Variants in HNRNPR observed in about 807,000 individuals in gnomAD.
The protein encoded by HNRNPR is heterogeneous nuclear ribonucleoprotein R.
Under a neutral mutation model 70.3 loss-of-function variants are expected in HNRNPR, and 4 were observed. That is an observed-to-expected ratio of 0.06 (90% confidence interval 0.03 to 0.13). The LOEUF is 0.13. Among genes scored for constraint, HNRNPR ranks in the 10% least tolerant of loss-of-function variants. The pLI is 1.00. For missense variants in HNRNPR, 423 were observed against 788.5 expected (o/e 0.54, Z 5.55); for synonymous variants, 241 against 267.6 (o/e 0.90, Z 0.97).
At chr1:23,326,318 A>C (rs1645973325) in intron 5 of HNRNPR, among the ~76,000 whole-genome samples, 1 of 152,290 alleles carries the variant, frequency 6.6e-6, no homozygotes, top group East Asian at 1.9e-4. Context: ...GGGATACAAG[A>C]TACTGTTATA....
At position 23,333,154 on chromosome 1, in the gene HNRNPR, C is replaced by G. The variant is rs569644948; in HGVS notation, c.498+364G>C. Among the ~76,000 whole-genome samples the G allele has an allele frequency of 1.3e-3, 194 of 152,200 alleles. 1 individual carries two copies. The highest frequency in any genetic ancestry group is 4.3e-3 in the African/African-American group (179 of 41,522). Reference sequence around the variant, plus strand: ...CTGAGACCGTGTCACTGCACTCCAGCCTGGACAACAAGAGCGAAACTCCAT... The same window carrying G: ...CTGAGACCGTGTCACTGCACTCCAGGCTGGACAACAAGAGCGAAACTCCAT... On this transcript the variant is annotated intron_variant, in intron 5 of 10. Coordinates refer to ENST00000302271, the MANE Select transcript of HNRNPR (RefSeq NM_005826.5).
At chr1:23,321,819 A>C (rs1645769465) in intron 6 of HNRNPR, among the ~76,000 whole-genome samples, 156 bp from the exon 7 acceptor site, 1 of 152,170 alleles carries the variant, frequency 6.6e-6, no homozygotes, top group Non-Finnish European at 1.5e-5. Flanking sequence ...GTATATTTTA[A>C]ACTTCATTGT....
At chr1:23,342,488 T>C (rs1646740073) in intron 1 of HNRNPR, among the ~76,000 whole-genome samples, 1 of 152,202 alleles carries the variant, frequency 6.6e-6, no homozygotes, top group African/African-American at 2.4e-5. Context: ...CAAGACAAGC[T>C]TCAAATTCTG....
chr1:23,339,976 TA>T (rs1326038497), intron 2 of HNRNPR, among the ~76,000 whole-genome samples: 7 of 151,864 alleles, frequency 4.6e-5, no homozygotes, highest in Non-Finnish European at 8.8e-5. Flanking sequence ...GTCATTTTTA[TA>T]AGTCATTTTA....
In HNRNPR at chr1:23,308,362, C is replaced by T. The variant is rs1255942645; in HGVS notation, c.*2092G>A. On this transcript the variant is annotated 3_prime_UTR_variant, in exon 11 of 11. Coordinates refer to ENST00000302271, the MANE Select transcript of HNRNPR (RefSeq NM_005826.5). ...TTTATGACAACTTTGTAGCTTGTAA[C>T]ACCTAATTAAGAAATACAAACAACT... The T allele has an allele frequency of 2.0e-5, 3 of 152,030 alleles. No homozygotes were observed. The highest frequency in any genetic ancestry group is 7.2e-5 in the African/African-American group (3 of 41,452). The allele number at this position is 152,030 out of a possible 1,614,324, so 9.4% of individuals were successfully genotyped here.
chr1:23,320,669 C>G (rs1645719667), intron 7 of HNRNPR, among the ~76,000 whole-genome samples: 1 of 152,036 alleles, frequency 6.6e-6, no homozygotes, highest in South Asian at 2.1e-4. Context: ...CGGTCTAACG[C>G]AGTGTTTTTA....
In HNRNPR at chr1:23,325,015, C is replaced by CT. The variant is rs562853181; in HGVS notation, c.499-1284dup. 4.6e-3 allele frequency among the ~76,000 whole-genome samples: 703 copies of CT among 152,096 alleles called. 2 individuals are homozygous for CT. Among genetic ancestry groups the CT allele is most frequent in the Middle Eastern group, 0.014 (4 of 294 alleles). On this transcript the variant is annotated intron_variant, in intron 5 of 10. Transcript: ENST00000302271. ...ATTAGCCGGGCGTGGTGGCCGGCGC[C>CT]TGTAGCCCCAGCTACTCAGGAGGCT... is the stretch of plus-strand genomic sequence containing the variant.
chr1:23,325,285 A>G (rs1645926367), intron 5 of HNRNPR, among the ~76,000 whole-genome samples: 2 of 152,232 alleles, frequency 1.3e-5, no homozygotes, highest in Admixed American at 1.3e-4. Context: ...AATAATAGGT[A>G]AATATAGAAG....
intron 2 of HNRNPR, among the ~76,000 whole-genome samples, chr1:23,339,709 A>C (rs1257299975): frequency 6.6e-6 from 1 of 152,186 alleles, no homozygotes; most frequent in Non-Finnish European, 1.5e-5. Flanking sequence ...GATTTGTTTC[A>C]AAAGCTCGAA....
chr1:23,327,995 CAAAA>C (rs11345105), intron 5 of HNRNPR, among the ~76,000 whole-genome samples: 3 of 118,758 alleles, frequency 2.5e-5, no homozygotes, highest in African/African-American at 3.2e-5. Flanking sequence ...GACTCTGTCT[CAAAA>C]AAAAAAAAAA....
intron 2 of HNRNPR, 56 bp from the exon 3 acceptor site, chr1:23,338,664 TCTA>T (rs1646596334): frequency 1.3e-6 from 1 of 780,026 alleles, no homozygotes; most frequent in African/African-American, 1.8e-5. Flanking sequence ...TAATCTAAGC[TCTA>T]CTGACGTTTA....
intron 7 of HNRNPR, 152 bp downstream of exon 7, chr1:23,321,376 A>G: frequency 1.7e-6 from 1 of 584,536 alleles, no homozygotes; most frequent in Non-Finnish European, 2.9e-6. Context: ...ACTTGCTTAA[A>G]CCCAAACCAC....
At chr1:23,315,303 AAAC>A (rs1200913248) in intron 8 of HNRNPR, among the ~76,000 whole-genome samples, 8 of 126,548 alleles carry the variant, frequency 6.3e-5, no homozygotes, top group African/African-American at 3.3e-4. Context: ...AAAAAAAAAA[AAAC>A]AAAAACCCAA....
chr1:23,340,026 T>G (rs1192398431), intron 2 of HNRNPR, among the ~76,000 whole-genome samples: 1 of 144,706 alleles, frequency 6.9e-6, no homozygotes, highest in Non-Finnish European at 1.5e-5. Context: ...ATTTAAAAAT[T>G]TTTTAAGGAC....
At chr1:23,315,066 G>A (rs1645478331) in intron 8 of HNRNPR, among the ~76,000 whole-genome samples, 1 of 152,046 alleles carries the variant, frequency 6.6e-6, no homozygotes, top group Non-Finnish European at 1.5e-5. Context: ...GATCACCTGA[G>A]GTTGGGAGTT....
intron 1 of HNRNPR, among the ~76,000 whole-genome samples, chr1:23,341,360 C>T (rs1646698439): frequency 6.6e-6 from 1 of 152,052 alleles, no homozygotes; most frequent in Admixed American, 6.5e-5. Context: ...CTAAAAAGCC[C>T]CTCAGCTCTC....
chr1:23,340,933 G>A lies in HNRNPR; in HGVS notation c.76C>T (p.His26Tyr). Residue 26 changes from histidine to tyrosine, a missense_variant, in exon 2 of 11, where the codon CAC (histidine) becomes TAC (tyrosine). This residue lies in a region of HNRNPR where 44 missense variants were observed against 89.0 expected (regional missense o/e 0.49). Coordinates refer to ENST00000302271, the MANE Select transcript of HNRNPR (RefSeq NM_005826.5). ...ATCAGTGTCTTGTAGTGTTCTGTGT[G>A]AGTTACACTGGAAGTATCCATTGGT... ...EEPMDTSSVT[H>Y]TEHYKTLIEA... The A allele has an allele frequency of 1.2e-6, 2 of 1,612,904 alleles. No homozygotes were observed. Among genetic ancestry groups the A allele is most frequent in the Non-Finnish European group, 1.7e-6 (2 of 1,179,038 alleles).
intron 5 of HNRNPR, among the ~76,000 whole-genome samples, chr1:23,332,986 C>G (rs1397617802): frequency 6.6e-6 from 1 of 152,130 alleles, no homozygotes; most frequent in African/African-American, 2.4e-5. Context: ...GAGTTCGAGA[C>G]CAGCCTGACC....
chr1:23,332,890 A>C (rs950202587), intron 5 of HNRNPR, among the ~76,000 whole-genome samples: 8 of 130,428 alleles, frequency 6.1e-5, no homozygotes, highest in African/African-American at 2.2e-4. Context: ...AAAAGCAAAA[A>C]CCAAAAAAAG....
Sources: gnomAD v4.1 joint callset for allele counts (sites outside exome capture counted in the v4.1 genomes callset) on GRCh38, gnomAD v4.1.1 for gene constraint, gnomAD v4.1.1 regional missense constraint, MANE v1.5 for transcripts, NCBI Gene and HGNC (gene_info 2026-07-23, HGNC 2026-07-21) for gene names.